LCP1: variants seen among roughly 807,000 people sequenced by gnomAD.
LCP1 encodes the protein plastin-2.
In LCP1, 23 loss-of-function variants were observed where a neutral mutation model predicts 72.0. That is an observed-to-expected ratio of 0.32 (90% CI 0.23 to 0.45). LCP1 has a LOEUF of 0.45. LCP1 is among the 20% of genes least tolerant of loss of function. The pLI, the probability that LCP1 is intolerant of heterozygous loss-of-function variation, is 1.00. For missense variants in LCP1, 571 were observed against 748.3 expected (o/e 0.76, Z 2.76); for synonymous variants, 245 against 275.4 (o/e 0.89, Z 1.09).
intron 1 of LCP1, among the ~76,000 whole-genome samples, chr13:46,176,057 G>A (rs1328400522): frequency 2.6e-5 from 4 of 152,184 alleles, no homozygotes; most frequent in South Asian, 4.1e-4. Context: ...GGCTGGGAAG[G>A]GTAGGGGGAA....
At chr13:46,170,503 G>A (rs993990032) in intron 1 of LCP1, among the ~76,000 whole-genome samples, 4 of 152,316 alleles carry the variant, frequency 2.6e-5, no homozygotes, top group East Asian at 1.9e-4. Context: ...TAAGCTGAGC[G>A]CTGCTGAGGT....
chr13:46,178,825 T>A (rs533743175), intron 1 of LCP1, among the ~76,000 whole-genome samples: 1 of 152,356 alleles, frequency 6.6e-6, no homozygotes, highest in East Asian at 1.9e-4. Context: ...CAAGCCTTTA[T>A]AATCTTATTT....
Position 46,152,918 on chromosome 13 carries a change from C to CAG in LCP1, c.599_600dup (p.Ala201LeufsTer12). On this transcript the variant is annotated frameshift_variant, in exon 7 of 16. Transcript: ENST00000323076. LOFTEE classifies it high-confidence loss of function. ...ACCACATGGCACCCGATGGCTGAGGCAGAGTTCAGAGCCAAGTTCAGATTT... is the reference window on the plus strand; with the variant it reads ...ACCACATGGCACCCGATGGCTGAGGCAGAGAGTTCAGAGCCAAGTTCAGATTT... The CAG allele has an allele frequency of 6.2e-7, 1 of 1,612,914 alleles. No individual in the cohort carries two copies.
At position 46,166,676 on chromosome 13, in the gene LCP1, G is replaced by A. The variant is rs148322204; in HGVS notation, c.-24-6990C>T. On this transcript the variant is annotated intron_variant, in intron 1 of 15. Transcript: ENST00000323076. ...TTAGCATTAGACTATGACAACTAAA[G>A]AAACGAAAAATAAAATATGTAGGAC... Among the ~76,000 whole-genome samples the A allele has an allele frequency of 3.3e-5, 5 of 152,002 alleles. No individual in the cohort carries two copies. In the East Asian group the frequency reaches 9.6e-4, roughly 29 times the overall value.
At chr13:46,174,161 A>G (rs904722317) in intron 1 of LCP1, among the ~76,000 whole-genome samples, 4 of 152,260 alleles carry the variant, frequency 2.6e-5, no homozygotes, top group African/African-American at 9.6e-5. Flanking sequence ...TTTATTTGTA[A>G]TAATGTGATC....
Position 46,148,573 on chromosome 13 carries a change from C to T in LCP1, c.883-126G>A, listed in dbSNP as rs565806963. On this transcript the variant is annotated intron_variant, in intron 8 of 15. Transcript: ENST00000323076. ...GCTATCATTCCAGAATGTAACTTAA[C>T]AAAGCTAGAAACATTCACTAATTTG... 7.7e-5 allele frequency: 39 copies of T among 509,032 alleles called. No homozygotes were observed. In the African/African-American group the frequency reaches 7.9e-4, roughly 10 times the overall value. The allele number at this position is 509,032 out of a possible 1,614,324, so 31.5% of individuals were successfully genotyped here. A position where few individuals can be genotyped will look rare whatever the true frequency, so the allele number is the denominator to read the frequency against.
intron 1 of LCP1, among the ~76,000 whole-genome samples, chr13:46,172,213 G>A (rs2045907907): frequency 6.6e-6 from 1 of 152,244 alleles, no homozygotes; most frequent in South Asian, 2.1e-4. Flanking sequence ...GCGAGGCATG[G>A]TGGCTCACGC....
intron 1 of LCP1, among the ~76,000 whole-genome samples, chr13:46,164,425 A>ATATATGGTAGG (rs1358250109): frequency 2.2e-4 from 33 of 152,350 alleles, no homozygotes; most frequent in Non-Finnish European, 2.8e-4. Context: ...TTATTTTTAA[A>ATATATGGTAGG]CCACAGCAGG....
intron 11 of LCP1, among the ~76,000 whole-genome samples, chr13:46,143,959 G>A (rs752192018): frequency 5.3e-5 from 8 of 152,092 alleles, no homozygotes; most frequent in Non-Finnish European, 1.0e-4. Flanking sequence ...CAAACTACTT[G>A]GGAGGCTGAG....
At chr13:46,163,918 T>G (rs971095126) in intron 1 of LCP1, among the ~76,000 whole-genome samples, 1 of 152,234 alleles carries the variant, frequency 6.6e-6, no homozygotes, top group African/African-American at 2.4e-5. Flanking sequence ...TCTCCGGCTG[T>G]CCAGCCCTTC....
chr13:46,168,927 T>C (rs988417917), intron 1 of LCP1, among the ~76,000 whole-genome samples: 1 of 152,230 alleles, frequency 6.6e-6, no homozygotes, highest in Admixed American at 6.5e-5. Context: ...AAATCTTTCA[T>C]AGTTTTCTTT....
At position 46,148,401 on chromosome 13, in the gene LCP1, C is replaced by A; in HGVS notation, c.929G>T (p.Gly310Val). Residue 310 changes from glycine (G) to valine (V), a missense_variant, in exon 9 of 16, where the codon GGA (glycine) becomes GTA (valine). Coordinates refer to ENST00000323076, the MANE Select transcript of LCP1 (RefSeq NM_002298.5). Reference protein sequence around the residue: ...YHLLEQVAPKGDEEGVPAVVI... With the variant: ...YHLLEQVAPKVDEEGVPAVVI... ...AACAGCAGGAACACCTTCTTCATCT[C>A]CTTTTGGAGCCACCTGCTCAAGCAG... 1 of 1,613,308 alleles carries A rather than the reference C, an allele frequency of 6.2e-7. No homozygotes were observed.
At chr13:46,174,206 C>G (rs1433878430) in intron 1 of LCP1, among the ~76,000 whole-genome samples, 2 of 152,214 alleles carry the variant, frequency 1.3e-5, no homozygotes, top group East Asian at 3.9e-4. Context: ...TTTAGAATCT[C>G]TAATGACAAG....
chr13:46,135,289 T>C (rs2138222132), intron 13 of LCP1, among the ~76,000 whole-genome samples: 1 of 152,206 alleles, frequency 6.6e-6, no homozygotes, highest in African/African-American at 2.4e-5. Flanking sequence ...AAATTACACA[T>C]GAAAGACCTT....
chr13:46,167,998 C>G (rs1020230747), intron 1 of LCP1, among the ~76,000 whole-genome samples: 4 of 152,242 alleles, frequency 2.6e-5, no homozygotes, highest in Non-Finnish European at 5.9e-5. Context: ...GAAATTAGCA[C>G]AGAGGCTTAT....
intron 1 of LCP1, among the ~76,000 whole-genome samples, chr13:46,166,944 A>C (rs1458105833): frequency 6.6e-6 from 1 of 152,222 alleles, no homozygotes; most frequent in East Asian, 1.9e-4. Context: ...TTTTAAAATG[A>C]CTTTGTTTTT....
intron 13 of LCP1, among the ~76,000 whole-genome samples, chr13:46,142,054 A>C (rs2045701640): frequency 6.6e-6 from 1 of 152,194 alleles, no homozygotes; most frequent in African/African-American, 2.4e-5. Context: ...TGAGTAAATT[A>C]GAATGAAACA....
In LCP1 at chr13:46,148,542, T is replaced by C. The variant is rs1045003714; in HGVS notation, c.883-95A>G. 3.5e-5 allele frequency: 27 copies of C among 777,556 alleles called. No homozygotes were observed. In the East Asian group the frequency reaches 6.7e-4, roughly 19 times the overall value. 48.2% of individuals were successfully genotyped at this position (777,556 alleles called of 1,614,324 possible). ...TCCCAAAAGCAAACATTTTATTTCA[T>C]ATTCAGCTATCATTCCAGAATGTAA... is the stretch of plus-strand genomic sequence containing the variant. On this transcript the variant is annotated intron_variant, in intron 8 of 15. Transcript: ENST00000323076.
At chr13:46,170,470 T>A (rs558149645) in intron 1 of LCP1, among the ~76,000 whole-genome samples, 13 of 151,992 alleles carry the variant, frequency 8.6e-5, no homozygotes, top group Non-Finnish European at 1.9e-4. Context: ...TGGGTCTCTA[T>A]CCAACTCTGT....
Sources: gnomAD v4.1 joint callset for allele counts (sites outside exome capture counted in the v4.1 genomes callset) on GRCh38, gnomAD v4.1.1 for gene constraint, MANE v1.5 for transcripts, NCBI Gene and HGNC (gene_info 2026-07-23, HGNC 2026-07-21) for gene names.